GALK2: variants seen among roughly 807,000 people sequenced by gnomAD.
GALK2 encodes the protein N-acetylgalactosamine kinase.
A neutral mutation model predicts 52.4 loss-of-function variants in GALK2; 36 were observed. The ratio of observed to expected loss-of-function variants is 0.69; its 90% CI spans 0.53 to 0.91. The LOEUF (loss-of-function observed/expected upper bound fraction) is 0.91. Among genes scored for constraint, GALK2 ranks in the 40% least tolerant of loss-of-function variants. The probability of loss-of-function intolerance (pLI) is 0.00; values close to 1 mark genes in which losing one functional copy is unlikely to be tolerated. For synonymous variants in GALK2, 176 were observed against 199.1 expected, an observed-to-expected ratio of 0.88 and a Z score of 0.98; for missense variants, 579 against 559.1, an observed-to-expected ratio of 1.04 and a Z score of -0.36.
At chr15:49,366,526 TG>T in intron 3 of GALK2, 2 of 1,497,674 alleles carry the variant, frequency 1.3e-6, no homozygotes, top group Admixed American at 3.3e-5. Context: ...CTAGGGTACT[TG>T]GAAGAGCTGA....
intron 3 of GALK2, among the ~76,000 whole-genome samples, chr15:49,235,436 G>A (rs968958841): frequency 2.0e-5 from 3 of 151,220 alleles, no homozygotes; most frequent in African/African-American, 7.3e-5. Flanking sequence ...TTCTTAAATT[G>A]TGCAGATGGT....
intron 3 of GALK2, among the ~76,000 whole-genome samples, chr15:49,367,106 T>C (rs2045345473): frequency 6.6e-6 from 1 of 152,224 alleles, no homozygotes; most frequent in South Asian, 2.1e-4. Flanking sequence ...TGGAGAAGGC[T>C]AGAAGCCCAT....
intron 5 of GALK2, among the ~76,000 whole-genome samples, chr15:49,278,929 C>T (rs1334444275): frequency 1.3e-5 from 2 of 152,210 alleles, no homozygotes; most frequent in Non-Finnish European, 2.9e-5. Flanking sequence ...AAAGGAGAAG[C>T]AGGTACTTTC....
intron 9 of GALK2, among the ~76,000 whole-genome samples, chr15:49,326,757 T>TTAAA (rs778984785): frequency 7.2e-5 from 11 of 152,164 alleles, no homozygotes; most frequent in Non-Finnish European, 1.0e-4. Flanking sequence ...TTTTTCTTTC[T>TTAAA]TAAATACCTA....
At chr15:49,157,259 C>G (rs1429415067) in intron 1 of GALK2, among the ~76,000 whole-genome samples, 1 of 152,134 alleles carries the variant, frequency 6.6e-6, no homozygotes, top group African/African-American at 2.4e-5. Context: ...AAAGTAAAAG[C>G]TTTCCTGACT....
chr15:49,279,030 A>G (rs1035527551), intron 5 of GALK2, among the ~76,000 whole-genome samples: 4 of 152,240 alleles, frequency 2.6e-5, no homozygotes, highest in Non-Finnish European at 5.9e-5. Context: ...ACTCACTATC[A>G]TGAGAACAGC....
intron 3 of GALK2, 41 bp from the exon 4 acceptor site, chr15:49,235,810 G>A (rs373670874): frequency 1.0e-4 from 140 of 1,347,570 alleles, no homozygotes; most frequent in Non-Finnish European, 1.5e-4. Context: ...GCAGCTCAAG[G>A]CCTACAGATT....
chr15:49,309,395 C>G (rs1345684279), intron 8 of GALK2, among the ~76,000 whole-genome samples: 3 of 152,046 alleles, frequency 2.0e-5, no homozygotes, highest in Non-Finnish European at 4.4e-5. Context: ...TTTCTTATTT[C>G]TAACTGGAAT....
chr15:49,296,604 CT>C (rs60540720), intron 8 of GALK2, among the ~76,000 whole-genome samples: 135,582 of 147,906 alleles, frequency 0.92, 62,363 homozygotes, highest in Admixed American at 0.96. Flanking sequence ...GTGTCTTTTT[CT>C]TTTTTTTTTT....
chr15:49,264,978 C>T (rs1033486775), intron 5 of GALK2, among the ~76,000 whole-genome samples: 3 of 152,206 alleles, frequency 2.0e-5, no homozygotes, highest in African/African-American at 7.2e-5. Flanking sequence ...TGTCAGTCTG[C>T]CCCTACTGGG....
intron 1 of GALK2, among the ~76,000 whole-genome samples, chr15:49,176,788 T>C (rs2085495016): frequency 6.6e-6 from 1 of 152,192 alleles, no homozygotes; most frequent in Admixed American, 6.5e-5. Context: ...AGCCTATAGT[T>C]TGCTTTTGAG....
Position 49,329,749 on chromosome 15 carries a change from T to A in GALK2, c.*1590T>A. 3 of 973,694 alleles carry A rather than the reference T, an allele frequency of 3.1e-6. No homozygotes were observed. Among genetic ancestry groups the A allele is most frequent in the Non-Finnish European group, 2.4e-6 (2 of 819,576 alleles). The allele number at this position is 973,694 out of a possible 1,614,324, so 60.3% of individuals were successfully genotyped here. Reference sequence around the variant, plus strand: ...TCCTTTATTTTTTAATACCGTGCCATTTTCCACAAAGGATTTGTGGTTGGT... The same window carrying A: ...TCCTTTATTTTTTAATACCGTGCCAATTTCCACAAAGGATTTGTGGTTGGT... On this transcript the variant is annotated 3_prime_UTR_variant, in exon 10 of 10. Coordinates refer to ENST00000560031, the MANE Select transcript of GALK2 (RefSeq NM_002044.4).
chr15:49,300,629 C>T (rs960986114), intron 8 of GALK2, among the ~76,000 whole-genome samples: 3 of 152,024 alleles, frequency 2.0e-5, no homozygotes, highest in Admixed American at 6.6e-5. Flanking sequence ...AATTGAATCA[C>T]GGTGCCAGTT....
At position 49,322,235 on chromosome 15, in the gene GALK2, A is replaced by G. The variant is rs375127574; in HGVS notation, c.1169+2430A>G. On this transcript the variant is annotated intron_variant, in intron 9 of 9. Transcript: ENST00000560031. Reference sequence around the variant, plus strand: ...ATTTGCTGTATTTATTTTCTGAGAAAAATTCAGTTCTGTGAAAAATTCAGG... The same window carrying G: ...ATTTGCTGTATTTATTTTCTGAGAAGAATTCAGTTCTGTGAAAAATTCAGG... Among the ~76,000 whole-genome samples the G allele has an allele frequency of 2.0e-5, 3 of 152,200 alleles. No homozygotes were observed. In the South Asian group the frequency reaches 6.2e-4, roughly 32 times the overall value.
intron 7 of GALK2, among the ~76,000 whole-genome samples, chr15:49,287,989 A>T (rs1373718531): frequency 1.2e-4 from 18 of 152,318 alleles, no homozygotes; most frequent in Non-Finnish European, 2.9e-5. Flanking sequence ...AAGCTAATTC[A>T]TGCAAATTCA....
At chr15:49,262,336 A>T (rs944145536) in intron 5 of GALK2, among the ~76,000 whole-genome samples, 2 of 151,786 alleles carry the variant, frequency 1.3e-5, no homozygotes, top group African/African-American at 4.8e-5. Context: ...TTTCTTCTGG[A>T]TTTTCTAGTT....
chr15:49,228,688 T>TATGTATATATATATATATATACATATA, intron 3 of GALK2, among the ~76,000 whole-genome samples: 1 of 10,442 alleles, frequency 9.6e-5, no homozygotes, highest in Non-Finnish European at 1.8e-4. Context: ...TATATATATA[T>TATGTATATATATATATATATACATATA]TTTTTTTTTT....
At chr15:49,343,819 A>C (rs1362546199) in intron 3 of GALK2, 2 of 152,238 alleles carry the variant, frequency 1.3e-5, no homozygotes, top group East Asian at 1.9e-4. Context: ...AGATCTGATC[A>C]TACTACACAA....
chr15:49,260,206 A>G (rs1208613973), intron 5 of GALK2, among the ~76,000 whole-genome samples: 2 of 152,020 alleles, frequency 1.3e-5, no homozygotes, highest in East Asian at 3.9e-4. Context: ...AACAGTGTAA[A>G]AGTGTTCCTA....
Sources: allele counts gnomAD v4.1 joint callset (sites outside exome capture counted in the v4.1 genomes callset), GRCh38; gene constraint gnomAD v4.1.1; transcripts MANE v1.5; gene names NCBI Gene and HGNC (gene_info 2026-07-23, HGNC 2026-07-21).